Variants in JAKMIP2 observed in about 807,000 individuals in gnomAD.
JAKMIP2 encodes the protein janus kinase and microtubule interacting protein 2.
A neutral mutation model predicts 115.0 loss-of-function variants in JAKMIP2; 25 were observed. The ratio of observed to expected loss-of-function variants is 0.22; its 90% CI spans 0.16 to 0.30. The LOEUF (loss-of-function observed/expected upper bound fraction) is 0.30, where lower values mean the gene tolerates loss of function less well. Among genes scored for constraint, JAKMIP2 ranks in the 10% least tolerant of loss-of-function variants. The pLI is 1.00. For synonymous variants in JAKMIP2, 334 were observed against 343.6 expected, an observed-to-expected ratio of 0.97 and a Z score of 0.31; for missense variants, 642 against 957.6, an observed-to-expected ratio of 0.67 and a Z score of 4.35.
At position 147,627,593 on chromosome 5, in the gene JAKMIP2, T is replaced by C. The variant is rs114977848; in HGVS notation, c.1995+1158A>G. ...TAATTAAACTGTGTAGGAAGTAAGT[T>C]TTTTTAAAAGAAAAAATTCCAGCTT... is the stretch of plus-strand genomic sequence containing the variant. On this transcript the variant is annotated intron_variant, in intron 16 of 21. Coordinates refer to ENST00000616793, the MANE Select transcript of JAKMIP2 (RefSeq NM_001270941.2). 5.9e-3 allele frequency among the ~76,000 whole-genome samples: 898 copies of C among 151,612 alleles called. 14 individuals carry two copies. Among genetic ancestry groups the C allele is most frequent in the African/African-American group, 0.021 (864 of 41,198 alleles).
intron 1 of JAKMIP2, among the ~76,000 whole-genome samples, chr5:147,724,792 AT>A (rs1164597217): frequency 1.3e-5 from 2 of 152,174 alleles, no homozygotes; most frequent in African/African-American, 4.8e-5. Context: ...CAGGAGATTG[AT>A]GTTTTCTTTT....
intron 1 of JAKMIP2, among the ~76,000 whole-genome samples, chr5:147,736,414 C>T (rs576001195): frequency 1.3e-5 from 2 of 151,932 alleles, no homozygotes; most frequent in African/African-American, 2.4e-5. Context: ...GCCAAGATTG[C>T]GCCACTGCAC....
At chr5:147,601,944 T>C (rs1215068090) in intron 20 of JAKMIP2, 133 bp from the exon 21 acceptor site, 1 of 466,190 alleles carries the variant, frequency 2.1e-6, no homozygotes, top group African/African-American at 2.0e-5. Flanking sequence ...CCTTTTTGTT[T>C]AAAAAAATCC....
intron 1 of JAKMIP2, among the ~76,000 whole-genome samples, chr5:147,759,938 G>A (rs750571692): frequency 1.1e-4 from 16 of 152,102 alleles, no homozygotes. Flanking sequence ...TACATGGGAA[G>A]GTGGCAATAG....
intron 14 of JAKMIP2, among the ~76,000 whole-genome samples, chr5:147,630,097 C>CT (rs538198591): frequency 1.5e-4 from 23 of 148,522 alleles, no homozygotes; most frequent in South Asian, 2.2e-4. Flanking sequence ...ACTGCCAAAT[C>CT]TTTTTTTTTT....
At chr5:147,641,663 C>A (rs1757885695) in intron 8 of JAKMIP2, 45 bp downstream of exon 8, 1 of 1,374,988 alleles carries the variant, frequency 7.3e-7, no homozygotes, top group African/African-American at 1.4e-5. Flanking sequence ...CCTCATCTCT[C>A]TGGCTGTTTG....
intron 21 of JAKMIP2, among the ~76,000 whole-genome samples, chr5:147,592,916 A>C (rs569748128): frequency 6.6e-6 from 1 of 152,300 alleles, no homozygotes; most frequent in South Asian, 2.1e-4. Flanking sequence ...ACAAGGTTAG[A>C]CTGGGATGGA....
chr5:147,702,579 G>GGAAAGAAAGAAA (rs796114959), intron 1 of JAKMIP2, among the ~76,000 whole-genome samples: 2 of 80,504 alleles, frequency 2.5e-5, no homozygotes, highest in African/African-American at 4.6e-5. Flanking sequence ...AAAGAAAGAA[G>GGAAAGAAAGAAA]GAAAGAAAGA....
chr5:147,682,771 T>C (rs757076151), intron 1 of JAKMIP2, among the ~76,000 whole-genome samples: 1 of 152,194 alleles, frequency 6.6e-6, no homozygotes, highest in African/African-American at 2.4e-5. Flanking sequence ...CAGGTAAAAG[T>C]TAAAGCTTGA....
chr5:147,708,068 T>C (rs1752646899), intron 1 of JAKMIP2, among the ~76,000 whole-genome samples: 1 of 152,216 alleles, frequency 6.6e-6, no homozygotes, highest in Non-Finnish European at 1.5e-5. Context: ...TTAGGAGACA[T>C]TCTGGGAAAT....
intron 1 of JAKMIP2, among the ~76,000 whole-genome samples, chr5:147,680,994 CTT>C (rs1316368111): frequency 6.6e-5 from 10 of 152,092 alleles, no homozygotes; most frequent in African/African-American, 2.4e-4. Flanking sequence ...GGTTTGTTTT[CTT>C]TCTCCTAGTG....
intron 20 of JAKMIP2, among the ~76,000 whole-genome samples, chr5:147,609,240 C>A (rs1316194509): frequency 6.6e-6 from 1 of 152,074 alleles, no homozygotes; most frequent in Non-Finnish European, 1.5e-5. Context: ...GGTTGTTTTG[C>A]CCATTAGTTG....
In JAKMIP2 at chr5:147,644,144, G is replaced by A. The variant is rs1237993499; in HGVS notation, c.1138C>T (p.Leu380Phe). Residue 380 changes from leucine (L) to phenylalanine (F), a missense_variant, in exon 7 of 22, where the codon CTC becomes TTC. Physicochemically the swap from Leu to Phe is conservative, Grantham distance 22. Coordinates refer to ENST00000616793, the MANE Select transcript of JAKMIP2 (RefSeq NM_001270941.2). ...PLKKLKSLND[L>F]DQANEEQETE... ...TCTTGTTCTTCATTAGCTTGGTCGA[G>A]GTCATTCAGAGATTTTAATTTCTTC... 3 of 1,607,278 alleles carry A rather than the reference G, an allele frequency of 1.9e-6. No individual in the cohort carries two copies. Among genetic ancestry groups the A allele is most frequent in the Non-Finnish European group, 2.6e-6 (3 of 1,175,566 alleles).
At chr5:147,647,024 C>T (rs1758167457) in intron 5 of JAKMIP2, among the ~76,000 whole-genome samples, 3 of 151,908 alleles carry the variant, frequency 2.0e-5, no homozygotes, top group East Asian at 1.9e-4. Context: ...AATCAAACTG[C>T]AACTAATAAT....
In JAKMIP2 at chr5:147,661,092, C is replaced by G. The variant is rs148722029; in HGVS notation, c.483G>C (p.Thr161=). Residue 161 remains threonine, a synonymous_variant, in exon 3 of 22, where the codon ACG becomes ACC. Coordinates refer to ENST00000616793, the MANE Select transcript of JAKMIP2 (RefSeq NM_001270941.2). ...GAGCCTCGTCCACCTGCTTCTTGGC[C>G]GTTTTCAGGTCCGCAATTTCCTGTA... The part of the protein sequence containing the change: ...KLLQEIADLK[T]AKKQVDEALS... 4.2e-5 allele frequency: 67 copies of G among 1,613,996 alleles called. No individual in the cohort carries two copies. The African/African-American group carries it at 7.9e-4, about 19-fold the overall frequency.
At chr5:147,681,822 G>C (rs374029853) in intron 1 of JAKMIP2, among the ~76,000 whole-genome samples, 2 of 151,910 alleles carry the variant, frequency 1.3e-5, no homozygotes, top group African/African-American at 4.8e-5. Context: ...CAGGTGGATC[G>C]CTTGAGTCCA....
intron 18 of JAKMIP2, among the ~76,000 whole-genome samples, chr5:147,618,559 A>T (rs754891615): frequency 6.6e-6 from 1 of 152,126 alleles, no homozygotes; most frequent in Non-Finnish European, 1.5e-5. Flanking sequence ...CAATGTGGTG[A>T]AACCCCATTT....
chr5:147,652,346 A>G (rs1758438878), intron 3 of JAKMIP2, among the ~76,000 whole-genome samples: 1 of 152,272 alleles, frequency 6.6e-6, no homozygotes, highest in Admixed American at 6.5e-5. Flanking sequence ...GCATTTCCCA[A>G]AGTGGTTTCC....
Position 147,724,638 on chromosome 5 carries a change from G to GCTCAAA in JAKMIP2, c.-148-52690_-148-52685dup, listed in dbSNP as rs946306630. Among the ~76,000 whole-genome samples, 31 of 152,240 alleles carry GCTCAAA rather than the reference G, an allele frequency of 2.0e-4. No homozygotes were observed. The South Asian group carries it at 4.2e-3, about 20-fold the overall frequency. On this transcript the variant is annotated intron_variant, in intron 1 of 21. Coordinates refer to ENST00000616793, the MANE Select transcript of JAKMIP2 (RefSeq NM_001270941.2). ...GTTAACCAGGCTAATAGGAGGCTCA[G>GCTCAAA]CTCAAACTCAAACTCAAACTCAAAC...
Sources: allele counts gnomAD v4.1 joint callset (sites outside exome capture counted in the v4.1 genomes callset), GRCh38; gene constraint gnomAD v4.1.1; transcripts MANE v1.5; gene names NCBI Gene and HGNC (gene_info 2026-07-23, HGNC 2026-07-21).